The following TEAD4 variants were observed in gnomAD, a reference collection of about 807,000 sequenced individuals.
The protein encoded by TEAD4 is TEA domain transcription factor 4, also known as transcriptional enhancer factor TEF-3.
A neutral mutation model predicts 52.4 loss-of-function variants in TEAD4; 36 were observed. The observed-to-expected ratio is 0.69, with a 90% CI of 0.53 to 0.91. TEAD4 has a LOEUF of 0.91. Ranked by LOEUF, TEAD4 falls within the 40% of genes least tolerant of loss-of-function variation. The probability of loss-of-function intolerance (pLI) is 0.00; values close to 1 mark genes in which losing one functional copy is unlikely to be tolerated. For synonymous variants in TEAD4, 220 were observed against 231.0 expected, an observed-to-expected ratio of 0.95 and a Z score of 0.43; for missense variants, 508 against 583.9, an observed-to-expected ratio of 0.87 and a Z score of 1.34.
chr12:3,022,007 T>G lies in TEAD4; in HGVS notation c.887T>G (p.Val296Gly). 1.2e-6 allele frequency: 2 copies of G among 1,614,152 alleles called. No homozygotes were observed. The highest frequency in any genetic ancestry group is 1.7e-6 in the Non-Finnish European group (2 of 1,179,990). The stretch of plus-strand genomic sequence containing the variant: ...GGACCCTCCAATGCCTTTTTTCTTG[T>G]GAAGTTCTGGGTAAGCCTGTGATAA... The change falls in exon 10 of 13, where the codon GTG becomes GGG. Residue 296 changes from valine to glycine, a missense_variant. Coordinates refer to ENST00000359864, the MANE Select transcript of TEAD4 (RefSeq NM_003213.4).
intron 10 of TEAD4, among the ~76,000 whole-genome samples, chr12:3,028,906 C>A (rs897366724): frequency 6.6e-6 from 1 of 152,104 alleles, no homozygotes; most frequent in Non-Finnish European, 1.5e-5. Context: ...GCTGGGATTA[C>A]ACGTGTGAGC....
At chr12:2,969,092 T>A (rs1433429573) in intron 2 of TEAD4, among the ~76,000 whole-genome samples, 2 of 152,232 alleles carry the variant, frequency 1.3e-5, no homozygotes, top group African/African-American at 4.8e-5. Context: ...AGTCTATTAC[T>A]TCATTATGTA....
At chr12:2,987,405 T>A (rs2098239371) in intron 2 of TEAD4, among the ~76,000 whole-genome samples, 1 of 118,322 alleles carries the variant, frequency 8.5e-6, no homozygotes, top group Non-Finnish European at 1.8e-5. Flanking sequence ...CAGAATCAGC[T>A]TGTTTTTTTT....
In TEAD4 at chr12:3,021,879, C is replaced by T; in HGVS notation, c.759C>T (p.Ser253=). The T allele has an allele frequency of 6.2e-7, 1 of 1,614,224 alleles. No individual in the cohort carries two copies. Among genetic ancestry groups the T allele is most frequent in the Non-Finnish European group, 8.5e-7 (1 of 1,180,042 alleles). Residue 253 remains serine (S), a synonymous_variant, in exon 10 of 13, where the codon TCC becomes TCT. Transcript: ENST00000359864. ...ACCTGTTCGTGCACATTGGCCAGTC[C>T]AGCCCAAGCTACAGCGACCCCTACC... is the stretch of plus-strand genomic sequence containing the variant.
chr12:3,005,572 C>T (rs141265830), intron 3 of TEAD4, among the ~76,000 whole-genome samples: 6,910 of 152,116 alleles, frequency 0.045, 503 homozygotes, highest in African/African-American at 0.15. Context: ...TCTCGGCTCA[C>T]TGCAAGCTCT....
rs2098245366 is a variant in TEAD4 at position 2,994,210 on chromosome 12, T to G, written c.-29-528T>G. The stretch of plus-strand genomic sequence containing the variant: ...CTTGTCTGAGCCTCCCGAGTAGCTG[T>G]GATTACAGGTGCCCGCCACCACACC... On this transcript the variant is annotated intron_variant, in intron 2 of 12. Coordinates refer to ENST00000359864, the MANE Select transcript of TEAD4 (RefSeq NM_003213.4). The surrounding 1 kb of genome is among the most constrained non-coding windows in gnomAD (Gnocchi z 4.7). 6.6e-6 allele frequency among the ~76,000 whole-genome samples: 1 copy of G among 152,034 alleles called. No individual in the cohort carries two copies.
chr12:3,014,482 A>G (rs1446386693), intron 5 of TEAD4, among the ~76,000 whole-genome samples: 3 of 152,168 alleles, frequency 2.0e-5, no homozygotes, highest in Admixed American at 6.5e-5. Flanking sequence ...TGCTGTGAGG[A>G]TTTTGTCATA....
At chr12:3,039,157 C>T (rs112037353) in intron 11 of TEAD4, among the ~76,000 whole-genome samples, 7 of 152,372 alleles carry the variant, frequency 4.6e-5, no homozygotes, top group African/African-American at 1.7e-4. Flanking sequence ...ACCTTGCAGT[C>T]TCCTGGGAGC....
chr12:2,983,176 TTAAG>T (rs2098235498), intron 2 of TEAD4, among the ~76,000 whole-genome samples: 2 of 152,210 alleles, frequency 1.3e-5, no homozygotes, highest in South Asian at 4.1e-4. Context: ...GATTAATTAA[TTAAG>T]TATTAATATT....
At chr12:3,003,333 T>G (rs2098253182) in intron 3 of TEAD4, among the ~76,000 whole-genome samples, 1 of 152,212 alleles carries the variant, frequency 6.6e-6, no homozygotes, top group African/African-American at 2.4e-5. Flanking sequence ...GGCCCTCTGC[T>G]GAGTGGTGCG....
chr12:2,962,331 T>TATAAATATATATATAA (rs2098216335), intron 2 of TEAD4, among the ~76,000 whole-genome samples: 1 of 117,766 alleles, frequency 8.5e-6, no homozygotes, highest in Admixed American at 1.0e-4. Context: ...TATATAAATA[T>TATAAATATATATATAA]AAATATATAT....
chr12:2,977,288 C>A (rs967026021), intron 2 of TEAD4, among the ~76,000 whole-genome samples: 5 of 151,020 alleles, frequency 3.3e-5, no homozygotes, highest in African/African-American at 1.2e-4. Context: ...CCCCAGGCGT[C>A]TCTCTCTCTC....
chr12:3,019,459 C>T (rs538585370), intron 8 of TEAD4, among the ~76,000 whole-genome samples: 7 of 152,362 alleles, frequency 4.6e-5, no homozygotes, highest in Admixed American at 4.6e-4. Flanking sequence ...GTGCCCGTGC[C>T]CTGGCGGCTG....
chr12:3,001,605 A>G (rs2098251761), intron 3 of TEAD4, among the ~76,000 whole-genome samples: 1 of 151,560 alleles, frequency 6.6e-6, no homozygotes, highest in Admixed American at 6.6e-5. Context: ...CCCTGTCACT[A>G]CTAAAAATAC....
At chr12:2,971,988 T>G (rs1402041776) in intron 2 of TEAD4, among the ~76,000 whole-genome samples, 1 of 151,486 alleles carries the variant, frequency 6.6e-6, no homozygotes, top group Non-Finnish European at 1.5e-5. Flanking sequence ...ATTTTTTGCA[T>G]TTTCAGTAGG....
rs544566926 is a variant in TEAD4, at chr12:3,016,712, G to A, written c.355-686G>A. On this transcript the variant is annotated intron_variant, in intron 5 of 12. Coordinates refer to ENST00000359864, the MANE Select transcript of TEAD4 (RefSeq NM_003213.4). ...AGACCTTTGGAATTCGGGCACTCAG[G>A]ATGGAAACCACTGGCTTATATGAAT... Among the ~76,000 whole-genome samples, 12 of 152,258 alleles carry A rather than the reference G, an allele frequency of 7.9e-5. 1 individual carries two copies. The South Asian group carries it at 2.5e-3, about 32-fold the overall frequency.
rs2098266273 is a variant in TEAD4, at chr12:3,018,528, G to A, written c.484-17G>A. On this transcript the variant is annotated splice_polypyrimidine_tract_variant and intron_variant, in intron 6 of 12. Coordinates refer to ENST00000359864, the MANE Select transcript of TEAD4 (RefSeq NM_003213.4). ...GCACCTGGGGCCGTGCTGATTCCATGCCTTTTGCCTCCTCAGTTTTGGCAA... is the reference window on the plus strand; with the variant it reads ...GCACCTGGGGCCGTGCTGATTCCATACCTTTTGCCTCCTCAGTTTTGGCAA... The A allele has an allele frequency of 6.2e-7, 1 of 1,614,106 alleles. No homozygotes were observed. The highest frequency in any genetic ancestry group is 2.2e-5 in the East Asian group (1 of 44,874).
At position 2,962,484 on chromosome 12, in the gene TEAD4, C is replaced by T. The variant is rs28690322; in HGVS notation, c.-30+2444C>T. On this transcript the variant is annotated intron_variant, in intron 2 of 12. Transcript: ENST00000359864. The stretch of plus-strand genomic sequence containing the variant: ...CCAAGTAGCTAGAATTATAGGCGTG[C>T]GCCACCGTGCCCCACTAATTTTGTA... Among the ~76,000 whole-genome samples the T allele has an allele frequency of 3.1e-3, 476 of 151,550 alleles. 5 individuals carry two copies. Among genetic ancestry groups the T allele is most frequent in the African/African-American group, 0.011 (448 of 41,316 alleles).
intron 6 of TEAD4, among the ~76,000 whole-genome samples, chr12:3,018,142 C>T (rs1353222408): frequency 8.5e-5 from 13 of 152,318 alleles, no homozygotes; most frequent in African/African-American, 3.1e-4. Context: ...CAGCATTTTT[C>T]AAAGTGCGTC....
Sources: allele counts gnomAD v4.1 joint callset (sites outside exome capture counted in the v4.1 genomes callset), GRCh38; gene constraint gnomAD v4.1.1; non-coding constraint Gnocchi (gnomAD v3.1); transcripts MANE v1.5; gene names NCBI Gene and HGNC (gene_info 2026-07-23, HGNC 2026-07-21).